The following KDM4C variants were observed in gnomAD, a reference collection of about 807,000 sequenced individuals.
The protein encoded by KDM4C is lysine-specific demethylase 4C.
Under a neutral mutation model 129.3 loss-of-function variants are expected in KDM4C, and 81 were observed. The observed-to-expected ratio is 0.63, with a 90% CI of 0.52 to 0.75. The LOEUF (loss-of-function observed/expected upper bound fraction) is 0.75, where lower values mean the gene tolerates loss of function less well. Ranked by LOEUF, KDM4C falls within the 30% of genes least tolerant of loss-of-function variation. KDM4C has a pLI of 0.00. For synonymous variants in KDM4C, 573 were observed against 456.1 expected, an observed-to-expected ratio of 1.26 and a Z score of -3.26; for missense variants, 1,457 against 1,304.0, an observed-to-expected ratio of 1.12 and a Z score of -1.81.
At chr9:6,933,902 TG>T (rs141081995) in intron 8 of KDM4C, among the ~76,000 whole-genome samples, 38,756 of 151,584 alleles carry the variant, frequency 0.26, 5,379 homozygotes, top group South Asian at 0.39. Flanking sequence ...CAGGCTGAAG[TG>T]CAGCGGTGTG....
rs553263437 is a variant in KDM4C at position 6,748,775 on chromosome 9, C to G, written c.49+27778C>G. 10 of 1,445,116 alleles carry G rather than the reference C, an allele frequency of 6.9e-6. No individual in the cohort carries two copies. The South Asian group carries it at 1.1e-4, about 16-fold the overall frequency. The allele number at this position is 1,445,116 out of a possible 1,614,324, so 89.5% of individuals were successfully genotyped here. On this transcript the variant is annotated intron_variant, in intron 1 of 17. Coordinates refer to the KDM4C transcript ENST00000536108. ...TGATCCGACCCAGTTGTTTTCTTGA[C>G]TTTGTTTTCGAATGAATCTCTTCTG...
At chr9:7,020,710 T>G (rs1824652771) in intron 15 of KDM4C, among the ~76,000 whole-genome samples, 1 of 152,222 alleles carries the variant, frequency 6.6e-6, no homozygotes, top group South Asian at 2.1e-4. Flanking sequence ...TATATATTTA[T>G]GGGTTACATG....
intron 17 of KDM4C, among the ~76,000 whole-genome samples, chr9:7,071,710 C>G (rs1041100383): frequency 6.6e-6 from 1 of 151,978 alleles, no homozygotes; most frequent in Non-Finnish European, 1.5e-5. Flanking sequence ...GTCACAAAAG[C>G]CCTATGAGAT....
At chr9:6,827,288 T>C (rs188436937) in intron 4 of KDM4C, among the ~76,000 whole-genome samples, 4 of 152,372 alleles carry the variant, frequency 2.6e-5, no homozygotes, top group African/African-American at 7.2e-5. Context: ...CTCTCTCTCG[T>C]TCCTTCCAGC....
chr9:6,846,797 T>C (rs1020584236), intron 4 of KDM4C, among the ~76,000 whole-genome samples: 9 of 152,162 alleles, frequency 5.9e-5, no homozygotes, highest in South Asian at 4.1e-4. Context: ...TGCTAGAGAA[T>C]AGTGGTGATA....
chr9:7,044,191 C>T (rs568131049), intron 15 of KDM4C, among the ~76,000 whole-genome samples: 2 of 151,912 alleles, frequency 1.3e-5, no homozygotes, highest in African/African-American at 4.8e-5. Flanking sequence ...ATTGGGGATT[C>T]TTGTTTGAGG....
intron 1 of KDM4C, among the ~76,000 whole-genome samples, chr9:6,777,020 C>G (rs1211167486): frequency 6.6e-6 from 1 of 152,110 alleles, no homozygotes; most frequent in African/African-American, 2.4e-5. Flanking sequence ...TTTTTATTGT[C>G]TTGTATTGTC....
In KDM4C at chr9:7,103,821, C is replaced by T; in HGVS notation, c.2561C>T (p.Pro854Leu). The T allele has an allele frequency of 6.2e-7, 1 of 1,614,012 alleles. No individual in the cohort carries two copies. Among genetic ancestry groups the T allele is most frequent in the Non-Finnish European group, 8.5e-7 (1 of 1,179,944 alleles). ...GTACTGATGGAGCCTGATGACTGGCCTTATGTGGTGAACATTACATGCTTT... is the reference window on the plus strand; with the variant it reads ...GTACTGATGGAGCCTGATGACTGGCTTTATGTGGTGAACATTACATGCTTT... ...AGVLMEPDDW[P>L]YVVNITCFRH... Residue 854 changes from proline to leucine, a missense_variant, in exon 18 of 22, where the codon CCT becomes CTT. By Grantham distance (98) the Pro-to-Leu change is moderately conservative. Transcript: ENST00000381309.
chr9:6,931,810 C>G (rs1448351022), intron 8 of KDM4C, among the ~76,000 whole-genome samples: 1 of 152,174 alleles, frequency 6.6e-6, no homozygotes, highest in East Asian at 1.9e-4. Flanking sequence ...CAGCAATAGT[C>G]ATATACATTT....
intron 8 of KDM4C, among the ~76,000 whole-genome samples, chr9:6,955,918 G>T (rs1828985679): frequency 6.6e-6 from 1 of 152,174 alleles, no homozygotes; most frequent in East Asian, 1.9e-4. Context: ...ACAACCAGTT[G>T]TCTTTAGCTA....
intron 7 of KDM4C, among the ~76,000 whole-genome samples, chr9:6,889,654 G>C (rs1474335128): frequency 6.6e-6 from 1 of 152,198 alleles, no homozygotes; most frequent in Non-Finnish European, 1.5e-5. Context: ...GTTGGCATCA[G>C]CTTCATTAGG....
chr9:6,862,501 C>T (rs1266559258), intron 5 of KDM4C, among the ~76,000 whole-genome samples: 1 of 152,046 alleles, frequency 6.6e-6, no homozygotes, highest in African/African-American at 2.4e-5. Flanking sequence ...AGGTAGTTTT[C>T]CCTTAAAGGC....
At chr9:6,841,772 G>A (rs761248925) in intron 4 of KDM4C, among the ~76,000 whole-genome samples, 9 of 152,166 alleles carry the variant, frequency 5.9e-5, no homozygotes, top group African/African-American at 9.7e-5. Context: ...TGATCAGGCC[G>A]TCTTTGGTGC....
intron 8 of KDM4C, among the ~76,000 whole-genome samples, chr9:6,953,460 A>G (rs1001951081): frequency 6.6e-6 from 1 of 152,346 alleles, no homozygotes; most frequent in African/African-American, 2.4e-5. Context: ...AATCTGATCA[A>G]TCTCTTTGTC....
Position 6,880,041 on chromosome 9 carries a change from G to C in KDM4C, c.659G>C (p.Arg220Pro). ...GCTATACCTCCGGAGCATGGAAAAC[G>C]ACTTGAAAGACTAGCTCAAGGTAAA... ...WYAIPPEHGK[R>P]LERLAQGFFP... Residue 220 changes from arginine (R) to proline (P), a missense_variant, in exon 6 of 22, where the codon CGA becomes CCA. Coordinates refer to ENST00000381309, the MANE Select transcript of KDM4C (RefSeq NM_015061.6). 1 of 1,599,262 alleles carries C rather than the reference G, an allele frequency of 6.3e-7. No individual in the cohort carries two copies. The highest frequency in any genetic ancestry group is 8.5e-7 in the Non-Finnish European group (1 of 1,170,626).
At chr9:7,019,983 G>A (rs1389385858) in intron 15 of KDM4C, among the ~76,000 whole-genome samples, 1 of 151,718 alleles carries the variant, frequency 6.6e-6, no homozygotes, top group Non-Finnish European at 1.5e-5. Flanking sequence ...TGTCGCTCTA[G>A]ACTCAAATTA....
At chr9:7,055,130 A>G (rs1830696706) in intron 17 of KDM4C, among the ~76,000 whole-genome samples, 1 of 152,130 alleles carries the variant, frequency 6.6e-6, no homozygotes, top group South Asian at 2.1e-4. Context: ...GTGAACCGAG[A>G]TGGCGCCACT....
chr9:7,114,114 CAT>C (rs1338908098), intron 18 of KDM4C, among the ~76,000 whole-genome samples: 1 of 152,156 alleles, frequency 6.6e-6, no homozygotes, highest in African/African-American at 2.4e-5. Context: ...TGATGTAAAA[CAT>C]ATTCAGAGGA....
intron 12 of KDM4C, among the ~76,000 whole-genome samples, chr9:7,007,572 A>T (rs539534512): frequency 3.9e-5 from 6 of 152,334 alleles, no homozygotes; most frequent in South Asian, 2.1e-4. Flanking sequence ...TGAAGCCTAC[A>T]TCAGGTGTTT....
Sources: allele counts gnomAD v4.1 joint callset (sites outside exome capture counted in the v4.1 genomes callset), GRCh38; gene constraint gnomAD v4.1.1; transcripts MANE v1.5; gene names NCBI Gene and HGNC (gene_info 2026-07-23, HGNC 2026-07-21).